The following SDK1 variants were observed in gnomAD, a reference collection of about 807,000 sequenced individuals.
SDK1 encodes the protein sidekick cell adhesion molecule 1, also known as protein sidekick-1.
SDK1 carries 157 observed loss-of-function variants against 245.5 expected under a neutral mutation model. The ratio of observed to expected loss-of-function variants is 0.64; its 90% CI spans 0.56 to 0.73. SDK1 has a LOEUF of 0.73. Ranked by LOEUF, SDK1 falls within the 30% of genes least tolerant of loss-of-function variation. The pLI is 0.00. For missense variants in SDK1, 3,583 were observed against 3,002.3 expected (o/e 1.19, Z -4.52); for synonymous variants, 1,647 against 1,278.5 (o/e 1.29, Z -6.15).
intron 2 of SDK1, among the ~76,000 whole-genome samples, chr7:3,619,799 A>G (rs1484333045): frequency 6.6e-6 from 1 of 152,206 alleles, no homozygotes; most frequent in Non-Finnish European, 1.5e-5. Flanking sequence ...CAGGGATCTG[A>G]TGCACTGGGG....
At chr7:3,979,843 A>G (rs1037421198) in intron 13 of SDK1, among the ~76,000 whole-genome samples, 1 of 152,172 alleles carries the variant, frequency 6.6e-6, no homozygotes, top group East Asian at 1.9e-4. Context: ...TGGATTGATT[A>G]ATTGTTAAAT....
chr7:4,153,518 G>A (rs529361382), intron 30 of SDK1, among the ~76,000 whole-genome samples: 10 of 152,254 alleles, frequency 6.6e-5, no homozygotes, highest in East Asian at 1.9e-4. Flanking sequence ...CCTGAGCGGC[G>A]GAGATTGCAG....
intron 1 of SDK1, among the ~76,000 whole-genome samples, chr7:3,453,775 C>G (rs879818795): frequency 6.6e-6 from 1 of 152,058 alleles, no homozygotes; most frequent in African/African-American, 2.4e-5. Context: ...GAAACAGGGT[C>G]TTGCTATATT....
chr7:3,414,905 A>G (rs1779319239), intron 1 of SDK1, among the ~76,000 whole-genome samples: 1 of 152,124 alleles, frequency 6.6e-6, no homozygotes. Context: ...CATGTGTCAG[A>G]TCTCCATTCT....
intron 5 of SDK1, among the ~76,000 whole-genome samples, chr7:3,903,505 C>T (rs893973286): frequency 6.6e-6 from 1 of 151,984 alleles, no homozygotes; most frequent in Non-Finnish European, 1.5e-5. Flanking sequence ...ACATTTTAAC[C>T]CTTATACATT....
chr7:3,983,277 C>G (rs1783557775), intron 13 of SDK1, among the ~76,000 whole-genome samples: 1 of 152,216 alleles, frequency 6.6e-6, no homozygotes, highest in East Asian at 1.9e-4. Context: ...CAAACAGCAT[C>G]ACATGCTACA....
At chr7:3,503,088 A>G (rs1195664600) in intron 1 of SDK1, among the ~76,000 whole-genome samples, 1 of 152,204 alleles carries the variant, frequency 6.6e-6, no homozygotes, top group Non-Finnish European at 1.5e-5. Flanking sequence ...TTTAATTAAA[A>G]TTGTATGGAG....
At chr7:3,601,495 A>G (rs1328238426) in intron 1 of SDK1, among the ~76,000 whole-genome samples, 2 of 151,960 alleles carry the variant, frequency 1.3e-5, no homozygotes, top group Non-Finnish European at 2.9e-5. Flanking sequence ...AAGCTGTTAA[A>G]TTTGTGAGCT....
intron 4 of SDK1, among the ~76,000 whole-genome samples, chr7:3,811,276 T>G (rs914532506): frequency 2.0e-5 from 3 of 152,156 alleles, no homozygotes; most frequent in African/African-American, 7.2e-5. Context: ...CCAGTTCCAC[T>G]TCTCTTGCCC....
intron 32 of SDK1, among the ~76,000 whole-genome samples, chr7:4,172,989 C>T (rs944020456): frequency 1.9e-4 from 29 of 152,328 alleles, no homozygotes; most frequent in African/African-American, 6.3e-4. Context: ...GGCAACAGGG[C>T]TTAGACTTGA....
At chr7:3,462,712 C>A (rs1240595858) in intron 1 of SDK1, among the ~76,000 whole-genome samples, 1 of 152,008 alleles carries the variant, frequency 6.6e-6, no homozygotes. Flanking sequence ...ATATTTTCAC[C>A]TCAAACACCT....
intron 4 of SDK1, among the ~76,000 whole-genome samples, chr7:3,659,584 G>C (rs1471627724): frequency 1.3e-5 from 2 of 152,176 alleles, no homozygotes; most frequent in African/African-American, 4.8e-5. Flanking sequence ...AGTGACGTCG[G>C]CAGGGACTAG....
chr7:3,630,322 A>G (rs1357599495), intron 2 of SDK1, among the ~76,000 whole-genome samples: 6 of 152,210 alleles, frequency 3.9e-5, no homozygotes, highest in Admixed American at 6.5e-5. Context: ...GTAAAACTGT[A>G]TTTTCAAGTT....
intron 4 of SDK1, among the ~76,000 whole-genome samples, chr7:3,723,720 A>G (rs912825920): frequency 6.6e-6 from 1 of 151,586 alleles, no homozygotes; most frequent in Non-Finnish European, 1.5e-5. Flanking sequence ...ACACGTGTAT[A>G]TACACGTACA....
At chr7:3,461,001 T>G (rs1433065656) in intron 1 of SDK1, among the ~76,000 whole-genome samples, 3 of 152,206 alleles carry the variant, frequency 2.0e-5, no homozygotes, top group Non-Finnish European at 4.4e-5. Flanking sequence ...ACCATACATA[T>G]CTGACTTGGA....
intron 4 of SDK1, among the ~76,000 whole-genome samples, chr7:3,815,826 A>C: frequency 6.7e-6 from 1 of 149,806 alleles, no homozygotes; most frequent in Non-Finnish European, 1.5e-5. Flanking sequence ...CTATTCCAAA[A>C]TTGACCACAT....
chr7:4,206,094 C>A, intron 36 of SDK1, 100 bp downstream of exon 36: 1 of 770,126 alleles, frequency 1.3e-6, no homozygotes, highest in Non-Finnish European at 2.1e-6. Context: ...CCCGCAGGCG[C>A]TCCACCTGGA....
intron 1 of SDK1, among the ~76,000 whole-genome samples, chr7:3,591,371 C>A (rs986869386): frequency 6.6e-6 from 1 of 152,218 alleles, no homozygotes; most frequent in Non-Finnish European, 1.5e-5. Context: ...TTAGTACTTT[C>A]ATCTGATTGA....
At chr7:4,033,528 A>C (rs925629837) in intron 17 of SDK1, among the ~76,000 whole-genome samples, 13 of 152,258 alleles carry the variant, frequency 8.5e-5, no homozygotes, top group African/African-American at 3.1e-4. Context: ...GCAAAGGAAA[A>C]CAAGACAAAT....
Sources: gnomAD v4.1 joint callset for allele counts (sites outside exome capture counted in the v4.1 genomes callset) on GRCh38, gnomAD v4.1.1 for gene constraint, MANE v1.5 for transcripts, NCBI Gene and HGNC (gene_info 2026-07-23, HGNC 2026-07-21) for gene names.